Variants in SRL observed in about 807,000 individuals in gnomAD.
The protein encoded by SRL is sarcalumenin.
Under a neutral mutation model 39.5 loss-of-function variants are expected in SRL, and 23 were observed. The ratio of observed to expected loss-of-function variants is 0.58; its 90% CI spans 0.42 to 0.82. The LOEUF is 0.82. Among genes scored for constraint, SRL ranks in the 40% least tolerant of loss-of-function variants. The pLI, the probability that SRL is intolerant of heterozygous loss-of-function variation, is 0.00. For missense variants in SRL, 592 were observed against 607.8 expected (o/e 0.97, Z 0.27); for synonymous variants, 272 against 237.4 (o/e 1.15, Z -1.34).
At chr16:4,200,960 G>T (rs2052219710) in intron 3 of SRL, among the ~76,000 whole-genome samples, 2 of 152,238 alleles carry the variant, frequency 1.3e-5, no homozygotes, top group South Asian at 2.1e-4. Flanking sequence ...AAAACAATAA[G>T]ATACCACTGC....
At chr16:4,217,631 T>G (rs1179028044) in intron 1 of SRL, among the ~76,000 whole-genome samples, 1 of 152,246 alleles carries the variant, frequency 6.6e-6, no homozygotes. Context: ...CCTTACTCCC[T>G]CTGCACACAA....
At chr16:4,206,891 C>T (rs1386546136) in intron 1 of SRL, 1 of 456,684 alleles carries the variant, frequency 2.2e-6, no homozygotes. Flanking sequence ...CTTCCGGAAG[C>T]TCTGCACCTT....
At chr16:4,194,270 A>T (rs1037452201) in intron 5 of SRL, among the ~76,000 whole-genome samples, 1 of 152,190 alleles carries the variant, frequency 6.6e-6, no homozygotes, top group African/African-American at 2.4e-5. Flanking sequence ...GAACTTATTC[A>T]TCTTCCCAAA....
chr16:4,238,924 G>A (rs112856504), intron 1 of SRL, among the ~76,000 whole-genome samples: 9 of 152,120 alleles, frequency 5.9e-5, no homozygotes, highest in East Asian at 5.8e-4. Context: ...TCCGACCACC[G>A]TGTTACCTTC....
intron 3 of SRL, among the ~76,000 whole-genome samples, chr16:4,198,290 A>G (rs2052176532): frequency 2.6e-5 from 4 of 152,182 alleles, no homozygotes; most frequent in Admixed American, 2.0e-4. Context: ...CTGGGTTGAG[A>G]ATGGAGGATG....
chr16:4,235,145 G>A (rs554611037), intron 1 of SRL, among the ~76,000 whole-genome samples: 3 of 152,286 alleles, frequency 2.0e-5, no homozygotes, highest in South Asian at 2.1e-4. Context: ...CAAATAGGGC[G>A]GAGGCAGACT....
rs1286459057 is a variant in SRL, at chr16:4,189,386, C to G, written c.*2767G>C. ...AAAGCACGCGGTGTTAAAGAGAGATCGGAACTTTATTGAGACTGATGAAAT... is the reference window on the plus strand; with the variant it reads ...AAAGCACGCGGTGTTAAAGAGAGATGGGAACTTTATTGAGACTGATGAAAT... On this transcript the variant is annotated 3_prime_UTR_variant, in exon 6 of 6. Transcript: ENST00000399609. The G allele has an allele frequency of 1.3e-5, 2 of 152,176 alleles. No homozygotes were observed. Among genetic ancestry groups the G allele is most frequent in the African/African-American group, 2.4e-5 (1 of 41,430 alleles). The allele number at this position is 152,176 out of a possible 1,614,324, so 9.4% of individuals were successfully genotyped here. A position where few individuals can be genotyped will look rare whatever the true frequency, so the allele number is the denominator to read the frequency against.
chr16:4,239,075 G>A (rs191283328), intron 1 of SRL, among the ~76,000 whole-genome samples: 3 of 152,310 alleles, frequency 2.0e-5, no homozygotes, highest in Admixed American at 1.3e-4. Flanking sequence ...TCTGGGGTCT[G>A]TTCTCTCCCC....
At chr16:4,225,618 TA>T (rs1168346409) in intron 1 of SRL, among the ~76,000 whole-genome samples, 1 of 152,146 alleles carries the variant, frequency 6.6e-6, no homozygotes, top group Non-Finnish European at 1.5e-5. Context: ...TCCAAAACCT[TA>T]ATTAAGTTGT....
At chr16:4,198,185 T>C (rs556918563) in intron 3 of SRL, among the ~76,000 whole-genome samples, 1 of 152,276 alleles carries the variant, frequency 6.6e-6, no homozygotes, top group East Asian at 1.9e-4. Context: ...CAACAAACCC[T>C]GACTCCGAAC....
At chr16:4,237,847 C>T (rs145872988) in intron 1 of SRL, among the ~76,000 whole-genome samples, 100 of 152,256 alleles carry the variant, frequency 6.6e-4, no homozygotes, top group Non-Finnish European at 1.1e-3. Context: ...TTTTCTGATC[C>T]GATCCACTCA....
At position 4,195,855 on chromosome 16, in the gene SRL, G is replaced by T. The variant is rs911503990; in HGVS notation, c.377-69C>A. 6.8e-6 allele frequency: 9 copies of T among 1,318,288 alleles called. No homozygotes were observed. The South Asian group carries it at 1.0e-4, about 15-fold the overall frequency. The allele number at this position is 1,318,288 out of a possible 1,614,324, so 81.7% of individuals were successfully genotyped here. Reference sequence around the variant, plus strand: ...GAAACAGATCTACTGAGAAGCATGTGTATATGCCTGGTGTCACAGGGAGAC... The same window carrying T: ...GAAACAGATCTACTGAGAAGCATGTTTATATGCCTGGTGTCACAGGGAGAC... On this transcript the variant is annotated intron_variant, in intron 4 of 5. Coordinates refer to ENST00000399609, the MANE Select transcript of SRL (RefSeq NM_001098814.2).
Position 4,190,108 on chromosome 16 carries a change from G to A in SRL, c.*2045C>T, listed in dbSNP as rs1276107197. On this transcript the variant is annotated 3_prime_UTR_variant, in exon 6 of 6. Transcript: ENST00000399609. Reference sequence around the variant, plus strand: ...GTTCCTTGGAAACATTGTCCTGAGTGCCCTGGAACCTCGGGTGTTCTTGTG... The same window carrying A: ...GTTCCTTGGAAACATTGTCCTGAGTACCCTGGAACCTCGGGTGTTCTTGTG... The A allele has an allele frequency of 2.5e-6, 1 of 397,058 alleles. No homozygotes were observed. Among genetic ancestry groups the A allele is most frequent in the Non-Finnish European group, 4.4e-6 (1 of 225,762 alleles). The allele number at this position is 397,058 out of a possible 1,614,324, so 24.6% of individuals were successfully genotyped here.
At chr16:4,220,523 C>T (rs1024773347) in intron 1 of SRL, among the ~76,000 whole-genome samples, 1 of 152,098 alleles carries the variant, frequency 6.6e-6, no homozygotes, top group Non-Finnish European at 1.5e-5. Context: ...ATCCCCAGAC[C>T]CCTTAACCCC....
intron 1 of SRL, among the ~76,000 whole-genome samples, chr16:4,228,550 A>T (rs941700793): frequency 6.6e-6 from 1 of 151,904 alleles, no homozygotes; most frequent in Non-Finnish European, 1.5e-5. Context: ...CCTGGCTAAC[A>T]CGGTGAAACC....
At chr16:4,209,673 G>A (rs993266403) in intron 1 of SRL, among the ~76,000 whole-genome samples, 38 of 152,280 alleles carry the variant, frequency 2.5e-4, no homozygotes, top group Middle Eastern at 3.4e-3. Flanking sequence ...GCCTGTTGTC[G>A]AACTCAGAAA....
chr16:4,230,588 C>T (rs1190992098), intron 1 of SRL, among the ~76,000 whole-genome samples: 3 of 151,616 alleles, frequency 2.0e-5, no homozygotes, highest in African/African-American at 2.4e-5. Flanking sequence ...GGGGTTTCAC[C>T]ATGTTGGCCA....
intron 1 of SRL, among the ~76,000 whole-genome samples, chr16:4,219,477 A>G (rs1222334762): frequency 6.6e-6 from 1 of 151,956 alleles, no homozygotes; most frequent in Non-Finnish European, 1.5e-5. Flanking sequence ...TTTTTTTGAG[A>G]CAGTCTCGCT....
At position 4,227,695 on chromosome 16, in the gene SRL, G is replaced by T. The variant is rs533520283; in HGVS notation, c.61+14312C>A. On this transcript the variant is annotated intron_variant, in intron 1 of 5. Transcript: ENST00000399609. ...GGAGAGGACCCAGATTCAGAACCAGGGAAGTGCTTGCCTAAGAGTAGGCTG... is the reference window on the plus strand; with the variant it reads ...GGAGAGGACCCAGATTCAGAACCAGTGAAGTGCTTGCCTAAGAGTAGGCTG... Among the ~76,000 whole-genome samples the T allele has an allele frequency of 2.6e-5, 4 of 152,286 alleles. No individual in the cohort carries two copies. The South Asian group carries it at 8.3e-4, about 32-fold the overall frequency.
Sources: allele counts gnomAD v4.1 joint callset (sites outside exome capture counted in the v4.1 genomes callset), GRCh38; gene constraint gnomAD v4.1.1; transcripts MANE v1.5; gene names NCBI Gene and HGNC (gene_info 2026-07-23, HGNC 2026-07-21).